The following GPHN variants were observed in gnomAD, a reference collection of about 807,000 sequenced individuals.
GPHN encodes the protein gephyrin.
GPHN carries 17 observed loss-of-function variants against 95.5 expected under a neutral mutation model. The observed-to-expected ratio is 0.18, with a 90% CI of 0.12 to 0.27. The LOEUF is 0.27. Ranked by LOEUF, GPHN falls within the 10% of genes least tolerant of loss-of-function variation. GPHN has a pLI of 1.00. For synonymous variants in GPHN, 320 were observed against 322.5 expected (o/e 0.99, Z 0.08); for missense variants, 660 against 978.1 (o/e 0.67, Z 4.34).
chr14:67,093,190 A>T (rs918903187), intron 12 of GPHN, among the ~76,000 whole-genome samples: 11 of 151,838 alleles, frequency 7.2e-5, no homozygotes, highest in East Asian at 3.8e-4. Context: ...GAATTTAAAA[A>T]TTTTTTTTTC....
At chr14:67,038,635 C>T (rs533691161) in intron 10 of GPHN, among the ~76,000 whole-genome samples, 5 of 152,070 alleles carry the variant, frequency 3.3e-5, no homozygotes, top group African/African-American at 9.7e-5. Flanking sequence ...CACCTACATA[C>T]CAATGGCTTT....
the GPHN span, among the ~76,000 whole-genome samples, chr14:67,709,970 C>A: frequency 6.6e-6 from 1 of 152,158 alleles, no homozygotes; most frequent in African/African-American, 2.4e-5. Flanking sequence ...TAATTTGCCT[C>A]CTTTGGAAAG....
At chr14:66,695,284 C>T (rs1443006997) in intron 2 of GPHN, among the ~76,000 whole-genome samples, 5 of 152,116 alleles carry the variant, frequency 3.3e-5, no homozygotes, top group Non-Finnish European at 5.9e-5. Context: ...AAAAGATGTT[C>T]TACATTTTAT....
intron 8 of GPHN, among the ~76,000 whole-genome samples, chr14:66,931,472 C>T (rs530981555): frequency 6.6e-6 from 1 of 152,056 alleles, no homozygotes; most frequent in East Asian, 1.9e-4. Context: ...TCTCTCTCTA[C>T]CTTTTCTTTA....
intron 1 of GPHN, among the ~76,000 whole-genome samples, chr14:66,584,994 T>A (rs1156879794): frequency 6.6e-6 from 1 of 152,202 alleles, no homozygotes; most frequent in Admixed American, 6.5e-5. Flanking sequence ...TCTGGTGGAA[T>A]TTGGCTGTGA....
intron 11 of GPHN, among the ~76,000 whole-genome samples, chr14:67,084,687 T>C (rs2076817770): frequency 6.6e-6 from 1 of 152,164 alleles, no homozygotes; most frequent in South Asian, 2.1e-4. Flanking sequence ...CAGTGTTTGA[T>C]GAATGGATGA....
the GPHN span, among the ~76,000 whole-genome samples, chr14:67,514,086 A>T: frequency 6.6e-6 from 1 of 152,168 alleles, no homozygotes; most frequent in African/African-American, 2.4e-5. Context: ...CTGAGAACAC[A>T]TGAGAATTGG....
At chr14:67,248,033 T>A in the GPHN span, among the ~76,000 whole-genome samples, 1 of 152,202 alleles carries the variant, frequency 6.6e-6, no homozygotes, top group Non-Finnish European at 1.5e-5. Flanking sequence ...CATGAATAGA[T>A]GTTGAATTTT....
At chr14:66,890,081 A>G (rs1389124747) in intron 5 of GPHN, among the ~76,000 whole-genome samples, 1 of 152,164 alleles carries the variant, frequency 6.6e-6, no homozygotes, top group Non-Finnish European at 1.5e-5. Context: ...GAAAATCTGA[A>G]TAGACCTATA....
the GPHN span, chr14:67,692,960 T>C: frequency 1.7e-5 from 28 of 1,613,760 alleles, no homozygotes; most frequent in Non-Finnish European, 2.4e-5. Context: ...TTTGGCTGTC[T>C]CCTTCCCGAT....
chr14:67,094,871 A>T (rs902401758), intron 12 of GPHN, among the ~76,000 whole-genome samples: 2 of 152,194 alleles, frequency 1.3e-5, no homozygotes, highest in Admixed American at 6.5e-5. Context: ...AGATACACAA[A>T]TACTTAACAT....
intron 2 of GPHN, among the ~76,000 whole-genome samples, chr14:66,727,292 A>C (rs1053757512): frequency 1.3e-5 from 2 of 152,222 alleles, no homozygotes; most frequent in Non-Finnish European, 2.9e-5. Context: ...AGTCTCAGGT[A>C]TGTCTTTATC....
chr14:67,630,511 T>C, the GPHN span, among the ~76,000 whole-genome samples: 1 of 152,330 alleles, frequency 6.6e-6, no homozygotes, highest in African/African-American at 2.4e-5. Flanking sequence ...CTGCTTATCC[T>C]ATTGTCCAGA....
intron 17 of GPHN, among the ~76,000 whole-genome samples, chr14:67,132,713 C>G (rs973951484): frequency 2.0e-5 from 3 of 151,932 alleles, no homozygotes; most frequent in Non-Finnish European, 2.9e-5. Flanking sequence ...TGAATAACCT[C>G]TAGGTATTAC....
At chr14:67,373,818 A>G in the GPHN span, among the ~76,000 whole-genome samples, 1 of 150,380 alleles carries the variant, frequency 6.6e-6, no homozygotes, top group Admixed American at 6.6e-5. Context: ...GTCATACAGT[A>G]GATTAGATAG....
intron 1 of GPHN, among the ~76,000 whole-genome samples, chr14:66,537,445 T>TA (rs990191782): frequency 4.1e-4 from 61 of 149,252 alleles, no homozygotes; most frequent in African/African-American, 1.2e-3. Context: ...TAAATCTTGA[T>TA]TTTTTTTAGT....
intron 2 of GPHN, among the ~76,000 whole-genome samples, chr14:66,737,553 G>A (rs922319734): frequency 4.6e-5 from 7 of 151,730 alleles, no homozygotes; most frequent in Non-Finnish European, 7.4e-5. Context: ...GGGTGTTACT[G>A]ACTGCATCTG....
chr14:67,265,142 C>G, the GPHN span, among the ~76,000 whole-genome samples: 1 of 152,098 alleles, frequency 6.6e-6, no homozygotes, highest in Admixed American at 6.6e-5. Context: ...GCAGTTGTTT[C>G]TTTGGAATGT....
At chr14:67,134,048 G>A (rs562925898) in intron 17 of GPHN, among the ~76,000 whole-genome samples, 1 of 152,300 alleles carries the variant, frequency 6.6e-6, no homozygotes, top group Admixed American at 6.5e-5. Context: ...CAGTTTATAT[G>A]TGAAAAGAAA....
Sources: allele counts gnomAD v4.1 joint callset (sites outside exome capture counted in the v4.1 genomes callset), GRCh38; gene constraint gnomAD v4.1.1; transcripts MANE v1.5; gene names NCBI Gene and HGNC (gene_info 2026-07-23, HGNC 2026-07-21).